The following LPAR3 variants were observed in gnomAD, a reference collection of about 807,000 sequenced individuals.
LPAR3 encodes LPA receptor 3.
In LPAR3, 7 loss-of-function variants were observed where a neutral mutation model predicts 17.8. The observed-to-expected ratio is 0.39, with a 90% confidence interval of 0.22 to 0.74. LPAR3 has a LOEUF of 0.74. Ranked by LOEUF, LPAR3 falls within the 30% of genes least tolerant of loss-of-function variation. The pLI, the probability that LPAR3 is intolerant of heterozygous loss-of-function variation, is 0.40. For synonymous variants in LPAR3, 179 were observed against 179.9 expected, an observed-to-expected ratio of 0.99 and a Z score of 0.04; for missense variants, 391 against 453.4, an observed-to-expected ratio of 0.86 and a Z score of 1.25.
At chr1:84,861,507 A>C (rs1409289761) in intron 2 of LPAR3, among the ~76,000 whole-genome samples, 1 of 152,208 alleles carries the variant, frequency 6.6e-6, no homozygotes, top group Non-Finnish European at 1.5e-5. Flanking sequence ...GTAACTTGTA[A>C]AGAACTTAAA....
intron 2 of LPAR3, among the ~76,000 whole-genome samples, chr1:84,838,809 C>G (rs1659450981): frequency 1.3e-5 from 2 of 152,190 alleles, no homozygotes. Flanking sequence ...TTCTCCCCGA[C>G]TGACCCGCCC....
At chr1:84,823,978 A>C (rs991981737) in intron 2 of LPAR3, among the ~76,000 whole-genome samples, 1 of 152,188 alleles carries the variant, frequency 6.6e-6, no homozygotes, top group African/African-American at 2.4e-5. Context: ...CCTCTGTTGC[A>C]ACTTACCTAG....
chr1:84,828,288 G>GA (rs1012196976), intron 2 of LPAR3, among the ~76,000 whole-genome samples: 1 of 152,094 alleles, frequency 6.6e-6, no homozygotes, highest in Non-Finnish European at 1.5e-5. Context: ...GCCAGGAGGG[G>GA]AAAAAATTCG....
At chr1:84,843,927 T>C (rs183226359) in intron 2 of LPAR3, among the ~76,000 whole-genome samples, 72 of 152,342 alleles carry the variant, frequency 4.7e-4, no homozygotes, top group African/African-American at 1.6e-3. Flanking sequence ...AAGAAGTCCA[T>C]GACCACCCAG....
chr1:84,823,482 G>A lies in LPAR3; in HGVS notation c.737-9311C>T, dbSNP rs767702182. Among the ~76,000 whole-genome samples, 27 of 152,266 alleles carry A rather than the reference G, an allele frequency of 1.8e-4. No homozygotes were observed. The Middle Eastern group carries it at 0.014, about 77-fold the overall frequency. On this transcript the variant is annotated intron_variant, in intron 2 of 2. Transcript: ENST00000370611. ...ATGAGCAGTTAAACATTCCATAAAT[G>A]ATTCATTTAACACTATCGTTACTAG...
rs1660580362 is a variant in LPAR3 at position 84,893,006 on chromosome 1, C to G, written c.-19+10G>C. ...CGGGGTACCCTCCCTGCGCCCGGAC[C>G]CTCACTCACCGCTCACGTTCACCCG... On this transcript the variant is annotated intron_variant, in intron 1 of 2. Coordinates refer to ENST00000370611, the MANE Select transcript of LPAR3 (RefSeq NM_012152.3). The G allele has an allele frequency of 6.6e-6, 1 of 152,188 alleles. No homozygotes were observed. The highest frequency in any genetic ancestry group is 2.4e-5 in the African/African-American group (1 of 41,458). 9.4% of individuals were successfully genotyped at this position (152,188 alleles called of 1,614,324 possible). A position where few individuals can be genotyped will look rare whatever the true frequency, so the allele number is the denominator to read the frequency against.
chr1:84,838,015 T>A (rs1447198116), intron 2 of LPAR3, among the ~76,000 whole-genome samples: 3 of 152,160 alleles, frequency 2.0e-5, no homozygotes, highest in Non-Finnish European at 4.4e-5. Context: ...TAAGGTGATG[T>A]GATTAAAACA....
rs187960543 is a variant in LPAR3 at position 84,818,687 on chromosome 1, T to C, written c.737-4516A>G. ...AAGAACACTATCGTATCTTTAGAGC[T>C]TCCTGGGTGCCCACCCCAGGAGCCC... On this transcript the variant is annotated intron_variant, in intron 2 of 2. Coordinates refer to ENST00000370611, the MANE Select transcript of LPAR3 (RefSeq NM_012152.3). Among the ~76,000 whole-genome samples, 851 of 152,342 alleles carry C rather than the reference T, an allele frequency of 5.6e-3. 14 individuals carry two copies. The highest frequency in any genetic ancestry group is 0.02 in the African/African-American group (817 of 41,580).
intron 2 of LPAR3, among the ~76,000 whole-genome samples, chr1:84,815,286 A>C (rs1325174786): frequency 6.6e-6 from 1 of 152,160 alleles, no homozygotes; most frequent in Non-Finnish European, 1.5e-5. Flanking sequence ...GCTTTCGGCG[A>C]ATGTCCTTGT....
chr1:84,813,823 G>A lies in LPAR3; in HGVS notation c.*23C>T, dbSNP rs145566310. ...AGCTCTTTTCCCAGAGGAGGCCTGG[G>A]TGGGCCGAGAGGCATCCAGAGTTTA... On this transcript the variant is annotated 3_prime_UTR_variant, in exon 3 of 3. Coordinates refer to ENST00000370611, the MANE Select transcript of LPAR3 (RefSeq NM_012152.3). The A allele has an allele frequency of 6.1e-5, 97 of 1,591,870 alleles. No homozygotes were observed. The African/African-American group carries it at 1.1e-3, about 18-fold the overall frequency.
At chr1:84,829,429 A>G (rs182381034) in intron 2 of LPAR3, among the ~76,000 whole-genome samples, 1 of 152,128 alleles carries the variant, frequency 6.6e-6, no homozygotes, top group Admixed American at 6.5e-5. Flanking sequence ...GCTGGAGTTT[A>G]TACAAACCCA....
At chr1:84,889,563 T>A (rs911834555) in intron 1 of LPAR3, among the ~76,000 whole-genome samples, 1 of 152,230 alleles carries the variant, frequency 6.6e-6, no homozygotes, top group Non-Finnish European at 1.5e-5. Context: ...GATCATGTAG[T>A]GTTGGGTAAC....
intron 2 of LPAR3, among the ~76,000 whole-genome samples, chr1:84,863,068 T>C (rs1176163452): frequency 6.6e-6 from 1 of 152,082 alleles, no homozygotes; most frequent in Non-Finnish European, 1.5e-5. Flanking sequence ...TCCCTTTTTT[T>C]TTTTTTGGTT....
intron 2 of LPAR3, among the ~76,000 whole-genome samples, chr1:84,831,541 T>TATATG (rs61604055): frequency 0.53 from 80,072 of 151,270 alleles, 21,833 homozygotes; most frequent in East Asian, 0.73. Flanking sequence ...TCATATATCA[T>TATATG]ATATATCATA....
chr1:84,858,247 C>T (rs954044196), intron 2 of LPAR3, among the ~76,000 whole-genome samples: 10 of 151,934 alleles, frequency 6.6e-5, no homozygotes, highest in African/African-American at 1.7e-4. Context: ...TTTGGGAGGC[C>T]GAGATGGGCA....
chr1:84,887,840 A>T (rs1660487743), intron 1 of LPAR3, among the ~76,000 whole-genome samples: 1 of 152,190 alleles, frequency 6.6e-6, no homozygotes, highest in South Asian at 2.1e-4. Context: ...AGGAACAGGG[A>T]AAGTCTGAGG....
At chr1:84,882,028 CAAAG>C (rs1395220797) in intron 1 of LPAR3, among the ~76,000 whole-genome samples, 1 of 152,090 alleles carries the variant, frequency 6.6e-6, no homozygotes, top group Non-Finnish European at 1.5e-5. Flanking sequence ...AGATTGGAAA[CAAAG>C]AAGTAAAATT....
Position 84,811,670 on chromosome 1 carries a change from CAG to C in LPAR3, c.*2174_*2175del, listed in dbSNP as rs1002173033. On this transcript the variant is annotated 3_prime_UTR_variant, in exon 3 of 3. Transcript: ENST00000370611. Reference sequence around the variant, plus strand: ...GCTTCAGATAGACCCACATACTATACAGAGTTTGTGAAATCTACACTTTCAAA... The same window carrying C: ...GCTTCAGATAGACCCACATACTATACAGTTTGTGAAATCTACACTTTCAAA... 2 of 151,524 alleles carry C rather than the reference CAG, an allele frequency of 1.3e-5. No individual in the cohort carries two copies. Among genetic ancestry groups the C allele is most frequent in the African/African-American group, 4.9e-5 (2 of 41,166 alleles). 9.4% of individuals were successfully genotyped at this position (151,524 alleles called of 1,614,324 possible).
intron 1 of LPAR3, among the ~76,000 whole-genome samples, chr1:84,880,782 C>T (rs1262410021): frequency 6.6e-6 from 1 of 152,192 alleles, no homozygotes; most frequent in African/African-American, 2.4e-5. Context: ...TCATTCTCCC[C>T]CAAGGAGTAC....
Sources: allele counts gnomAD v4.1 joint callset (sites outside exome capture counted in the v4.1 genomes callset), GRCh38; gene constraint gnomAD v4.1.1; transcripts MANE v1.5; gene names NCBI Gene and HGNC (gene_info 2026-07-23, HGNC 2026-07-21).